Variants in NRG3 observed in about 807,000 individuals in gnomAD.
NRG3 encodes the protein neuregulin 3.
NRG3 carries 31 observed loss-of-function variants against 66.9 expected under a neutral mutation model. The observed-to-expected ratio is 0.46, with a 90% CI of 0.35 to 0.63. The LOEUF is 0.63. Among genes scored for constraint, NRG3 ranks in the 20% least tolerant of loss-of-function variants. NRG3 has a pLI of 0.00. For synonymous variants in NRG3, 393 were observed against 359.4 expected, an observed-to-expected ratio of 1.09 and a Z score of -1.06; for missense variants, 910 against 878.9, an observed-to-expected ratio of 1.04 and a Z score of -0.45.
At chr10:82,725,833 T>C (rs1395725854) in intron 2 of NRG3, among the ~76,000 whole-genome samples, 1 of 152,148 alleles carries the variant, frequency 6.6e-6, no homozygotes, top group Non-Finnish European at 1.5e-5. Context: ...CGTTCTAGTC[T>C]TTGCTAGTCT....
At chr10:82,080,128 A>G (rs2065305960) in intron 1 of NRG3, among the ~76,000 whole-genome samples, 1 of 152,154 alleles carries the variant, frequency 6.6e-6, no homozygotes, top group Admixed American at 6.5e-5. Flanking sequence ...TGAGTTCTGC[A>G]TTCACAGTGG....
intron 4 of NRG3, among the ~76,000 whole-genome samples, chr10:82,918,781 T>G (rs1056334664): frequency 2.6e-5 from 4 of 152,198 alleles, no homozygotes; most frequent in Non-Finnish European, 5.9e-5. Context: ...GTTTGATCTC[T>G]CAATGTGACA....
At chr10:82,418,875 C>A (rs2088840236) in intron 2 of NRG3, among the ~76,000 whole-genome samples, 2 of 152,012 alleles carry the variant, frequency 1.3e-5, no homozygotes, top group South Asian at 4.1e-4. Context: ...CACTGGATTA[C>A]AGAATACTTA....
At chr10:82,698,649 A>G (rs1287588630) in intron 2 of NRG3, among the ~76,000 whole-genome samples, 2 of 152,104 alleles carry the variant, frequency 1.3e-5, no homozygotes, top group Non-Finnish European at 2.9e-5. Flanking sequence ...CTCTTGTTCT[A>G]TTTCCTAAGC....
At chr10:82,443,507 C>T (rs774727234) in intron 2 of NRG3, among the ~76,000 whole-genome samples, 1 of 152,164 alleles carries the variant, frequency 6.6e-6, no homozygotes, top group Non-Finnish European at 1.5e-5. Context: ...CCAAATATCT[C>T]ATCAATCCTT....
chr10:82,478,968 C>T (rs1448963261), intron 2 of NRG3, among the ~76,000 whole-genome samples: 1 of 152,132 alleles, frequency 6.6e-6, no homozygotes, highest in Admixed American at 6.6e-5. Flanking sequence ...TTTGAAAGCA[C>T]AGTACAGTTT....
At chr10:82,124,920 C>T (rs1416687195) in intron 1 of NRG3, among the ~76,000 whole-genome samples, 1 of 151,818 alleles carries the variant, frequency 6.6e-6, no homozygotes, top group African/African-American at 2.4e-5. Flanking sequence ...CAATCATCAT[C>T]CCCATTTGAC....
chr10:82,019,860 C>G (rs2061979606), intron 1 of NRG3, among the ~76,000 whole-genome samples: 1 of 151,948 alleles, frequency 6.6e-6, no homozygotes, highest in Non-Finnish European at 1.5e-5. Context: ...AGCGGTCTAT[C>G]AATTTTGTTG....
intron 6 of NRG3, among the ~76,000 whole-genome samples, chr10:82,972,221 T>G (rs1376794202): frequency 2.0e-5 from 3 of 152,154 alleles, no homozygotes; most frequent in Admixed American, 2.0e-4. Flanking sequence ...CTGTCTAATT[T>G]CTAATACTTA....
At position 82,704,621 on chromosome 10, in the gene NRG3, G is replaced by A. The variant is rs140914754; in HGVS notation, c.954-33956G>A. 4.3e-3 allele frequency among the ~76,000 whole-genome samples: 659 copies of A among 152,036 alleles called. 5 individuals carry two copies. The highest frequency in any genetic ancestry group is 5.9e-3 in the Non-Finnish European group (400 of 67,974). On this transcript the variant is annotated intron_variant, in intron 2 of 8. Coordinates refer to ENST00000372141, the MANE Select transcript of NRG3 (RefSeq NM_001010848.4). Reference sequence around the variant, plus strand: ...CATTGTTTTATGTCATGACACTCCCGGTATTATTTATGCAATTCTGTTTTC... The same window carrying A: ...CATTGTTTTATGTCATGACACTCCCAGTATTATTTATGCAATTCTGTTTTC...
chr10:82,727,165 A>T (rs1044282566), intron 2 of NRG3, among the ~76,000 whole-genome samples: 46 of 152,206 alleles, frequency 3.0e-4, no homozygotes, highest in African/African-American at 1.1e-3. Context: ...TGTGATAGAA[A>T]AGAAAATTCA....
chr10:82,309,465 A>C (rs1413555884), intron 1 of NRG3, among the ~76,000 whole-genome samples: 1 of 147,426 alleles, frequency 6.8e-6, no homozygotes, highest in Non-Finnish European at 1.5e-5. Flanking sequence ...GCTTTGCATT[A>C]CAAAAAAAAA....
intron 2 of NRG3, among the ~76,000 whole-genome samples, chr10:82,516,831 G>T (rs1845705544): frequency 6.6e-6 from 1 of 152,118 alleles, no homozygotes; most frequent in Non-Finnish European, 1.5e-5. Context: ...CAAGAGGCCA[G>T]TGTTACTGGA....
intron 1 of NRG3, among the ~76,000 whole-genome samples, chr10:82,317,621 G>A (rs1464392635): frequency 2.0e-5 from 3 of 152,080 alleles, no homozygotes; most frequent in Admixed American, 6.5e-5. Flanking sequence ...CTGGCCAATA[G>A]GCTCTCCATA....
At chr10:82,028,277 AAAAACAAAAC>A (rs1003798990) in intron 1 of NRG3, among the ~76,000 whole-genome samples, 1 of 152,074 alleles carries the variant, frequency 6.6e-6, no homozygotes, top group Non-Finnish European at 1.5e-5. Flanking sequence ...CATAGGAGGA[AAAAACAAAAC>A]AAAACAAAAC....
intron 2 of NRG3, among the ~76,000 whole-genome samples, chr10:82,564,746 C>T (rs1179637637): frequency 6.6e-6 from 1 of 151,914 alleles, no homozygotes; most frequent in Non-Finnish European, 1.5e-5. Flanking sequence ...CATCTCATAG[C>T]TCTTACTGTT....
chr10:82,452,863 A>AT (rs1458138012), intron 2 of NRG3, among the ~76,000 whole-genome samples: 18 of 152,044 alleles, frequency 1.2e-4, no homozygotes. Flanking sequence ...AATGTGGAGG[A>AT]TTTTATGGAG....
intron 2 of NRG3, among the ~76,000 whole-genome samples, chr10:82,489,467 G>A (rs1842930737): frequency 6.6e-6 from 1 of 152,166 alleles, no homozygotes; most frequent in Admixed American, 6.5e-5. Flanking sequence ...ATCAGAGCCT[G>A]GGTCATGGTA....
chr10:82,728,471 T>C (rs1224880617), intron 2 of NRG3, among the ~76,000 whole-genome samples: 1 of 152,216 alleles, frequency 6.6e-6, no homozygotes, highest in Non-Finnish European at 1.5e-5. Context: ...TTTTACCTGC[T>C]ACCATCCATG....
Sources: gnomAD v4.1 joint callset for allele counts (sites outside exome capture counted in the v4.1 genomes callset) on GRCh38, gnomAD v4.1.1 for gene constraint, MANE v1.5 for transcripts, NCBI Gene and HGNC (gene_info 2026-07-23, HGNC 2026-07-21) for gene names.